SUSD5: variants seen among roughly 807,000 people sequenced by gnomAD.
SUSD5 encodes the protein sushi domain-containing protein 5.
A neutral mutation model predicts 29.5 loss-of-function variants in SUSD5; 33 were observed. The ratio of observed to expected loss-of-function variants is 1.12; its 90% CI spans 0.85 to 1.49. The LOEUF (loss-of-function observed/expected upper bound fraction) is 1.49. SUSD5 is among the 40% of genes most tolerant of loss of function. SUSD5 has a pLI of 0.00. For missense variants in SUSD5, 776 were observed against 800.6 expected, an observed-to-expected ratio of 0.97 and a Z score of 0.37; for synonymous variants, 308 against 325.3, an observed-to-expected ratio of 0.95 and a Z score of 0.57.
chr3:33,205,040 T>C (rs1277387587), intron 3 of SUSD5, among the ~76,000 whole-genome samples: 1 of 152,082 alleles, frequency 6.6e-6, no homozygotes, highest in African/African-American at 2.4e-5. Context: ...TATGTATATA[T>C]GTGTATCTAT....
chr3:33,203,604 G>A (rs1255936079), intron 3 of SUSD5, among the ~76,000 whole-genome samples: 1 of 152,180 alleles, frequency 6.6e-6, no homozygotes, highest in African/African-American at 2.4e-5. Flanking sequence ...AGGTGTCACG[G>A]GAGCCTTGGC....
chr3:33,167,359 C>T lies in SUSD5; in HGVS notation c.598+7527G>A, dbSNP rs2031326054. Among the ~76,000 whole-genome samples the T allele has an allele frequency of 6.6e-6, 1 of 152,066 alleles. No homozygotes were observed. Among genetic ancestry groups the T allele is most frequent in the Non-Finnish European group, 1.5e-5 (1 of 68,016 alleles). On this transcript the variant is annotated intron_variant, in intron 4 of 4. Coordinates refer to ENST00000309558, the MANE Select transcript of SUSD5 (RefSeq NM_015551.2). The surrounding 1 kb of genome is among the most constrained non-coding windows in gnomAD (Gnocchi z 4.1). Reference sequence around the variant, plus strand: ...AAGGTCAGCTCACCCTGGCTGTGGCCTTGACCTGGACACTTACAGTCTGAA... The same window carrying T: ...AAGGTCAGCTCACCCTGGCTGTGGCTTTGACCTGGACACTTACAGTCTGAA...
intron 3 of SUSD5, among the ~76,000 whole-genome samples, chr3:33,180,471 T>C (rs2031645227): frequency 6.6e-6 from 1 of 152,114 alleles, no homozygotes; most frequent in South Asian, 2.1e-4. Context: ...AGTGATCCTC[T>C]TGCCCCAGTT....
Position 33,153,562 on chromosome 3 carries a change from T to C in SUSD5, c.1070A>G (p.Lys357Arg), listed in dbSNP as rs761040522. The change falls in exon 5 of 5, where the codon AAG (lysine) becomes AGG (arginine). Residue 357 changes from lysine (K) to arginine (R), a missense_variant. Physicochemically the swap from Lys to Arg is conservative, Grantham distance 26. Coordinates refer to ENST00000309558, the MANE Select transcript of SUSD5 (RefSeq NM_015551.2). ...SGPFVGKNDS[K>R]AGDPVVSSSD... ...GCTGCTCACCACTGGATCTCCTGCC[T>C]TGCTGTCATTCTTGCCCACAAATGG... 1 of 1,614,028 alleles carries C rather than the reference T, an allele frequency of 6.2e-7. No homozygotes were observed. Among genetic ancestry groups the C allele is most frequent in the Non-Finnish European group, 8.5e-7 (1 of 1,179,906 alleles).
intron 2 of SUSD5, among the ~76,000 whole-genome samples, chr3:33,211,619 T>C (rs1309015285): frequency 2.6e-5 from 4 of 152,210 alleles, no homozygotes; most frequent in African/African-American, 4.8e-5. Context: ...ATGTTTTCTA[T>C]GGCCACTCGC....
intron 3 of SUSD5, among the ~76,000 whole-genome samples, chr3:33,177,626 G>A (rs2031579899): frequency 1.3e-5 from 2 of 151,882 alleles, no homozygotes; most frequent in South Asian, 4.2e-4. Context: ...CTCCCACCTC[G>A]GCCTTCCAAA....
intron 3 of SUSD5, among the ~76,000 whole-genome samples, chr3:33,196,983 T>A (rs2032008115): frequency 6.6e-6 from 1 of 152,240 alleles, no homozygotes; most frequent in South Asian, 2.1e-4. Flanking sequence ...AAAATTTGGA[T>A]AATAGTAAAT....
intron 3 of SUSD5, among the ~76,000 whole-genome samples, chr3:33,203,286 T>G (rs1278459617): frequency 1.3e-5 from 2 of 151,870 alleles, no homozygotes; most frequent in Non-Finnish European, 2.9e-5. Flanking sequence ...GAACTCTCTC[T>G]GAGTAACTGT....
At chr3:33,189,610 C>T (rs1328230446) in intron 3 of SUSD5, among the ~76,000 whole-genome samples, 1 of 151,358 alleles carries the variant, frequency 6.6e-6, no homozygotes, top group East Asian at 1.9e-4. Flanking sequence ...TCACCAATGA[C>T]AACCATTGTT....
At chr3:33,172,674 C>T (rs1287547437) in intron 4 of SUSD5, among the ~76,000 whole-genome samples, 1 of 152,238 alleles carries the variant, frequency 6.6e-6, no homozygotes, top group Non-Finnish European at 1.5e-5. Flanking sequence ...ACTGTGCTTT[C>T]AGCACTTGTC....
In SUSD5 at chr3:33,205,151, A is replaced by G. The variant is rs573235340; in HGVS notation, c.409+2657T>C. Among the ~76,000 whole-genome samples the G allele has an allele frequency of 3.3e-5, 5 of 152,346 alleles. No individual in the cohort carries two copies. The East Asian group carries it at 9.6e-4, about 29-fold the overall frequency. ...TCTAAAAACAAGGATATTCTCTTAC[A>G]TAACTGCAGTAGTTATCCAAATCAG... is the stretch of plus-strand genomic sequence containing the variant. On this transcript the variant is annotated intron_variant, in intron 3 of 4. Coordinates refer to ENST00000309558, the MANE Select transcript of SUSD5 (RefSeq NM_015551.2).
chr3:33,211,617 T>C (rs962756829), intron 2 of SUSD5, among the ~76,000 whole-genome samples: 3 of 152,218 alleles, frequency 2.0e-5, no homozygotes, highest in African/African-American at 7.2e-5. Context: ...CTATGTTTTC[T>C]ATGGCCACTC....
intron 4 of SUSD5, chr3:33,168,422 G>A: frequency 1.3e-6 from 1 of 766,184 alleles, no homozygotes; most frequent in East Asian, 1.3e-4. Context: ...TTCTATGAAG[G>A]AAATTAAGTC....
At chr3:33,162,258 AATGGAAAT>A (rs2031205910) in intron 4 of SUSD5, among the ~76,000 whole-genome samples, 1 of 152,242 alleles carries the variant, frequency 6.6e-6, no homozygotes, top group Admixed American at 6.5e-5. Flanking sequence ...ACTGAATGAT[AATGGAAAT>A]ATGACATATC....
intron 4 of SUSD5, among the ~76,000 whole-genome samples, chr3:33,157,955 GCTAA>G (rs2031091019): frequency 6.6e-6 from 1 of 152,134 alleles, no homozygotes; most frequent in South Asian, 2.1e-4. Context: ...TGCAGAAAAA[GCTAA>G]CTAACACACT....
chr3:33,202,712 C>T (rs1031540674), intron 3 of SUSD5, among the ~76,000 whole-genome samples: 2 of 152,182 alleles, frequency 1.3e-5, no homozygotes, highest in Non-Finnish European at 2.9e-5. Flanking sequence ...CTTATTTCAT[C>T]AGAATCCAGT....
At chr3:33,165,498 T>C (rs2031284794) in intron 4 of SUSD5, among the ~76,000 whole-genome samples, 1 of 152,208 alleles carries the variant, frequency 6.6e-6, no homozygotes, top group African/African-American at 2.4e-5. Flanking sequence ...TTTGAAATGT[T>C]CTGTATTTAT....
chr3:33,213,365 C>T (rs2032358247), intron 2 of SUSD5, among the ~76,000 whole-genome samples: 1 of 151,290 alleles, frequency 6.6e-6, no homozygotes, highest in South Asian at 2.1e-4. Flanking sequence ...AATTGTGCCA[C>T]AGCACTCCAG....
At chr3:33,172,811 ATATTTAGAATCTATTT>A (rs1260143520) in intron 4 of SUSD5, among the ~76,000 whole-genome samples, 8 of 152,250 alleles carry the variant, frequency 5.3e-5, no homozygotes, top group Non-Finnish European at 1.0e-4. Context: ...GATTGTGCTT[ATATTTAGAATCTATTT>A]TATTTTATAT....
Sources: allele counts gnomAD v4.1 joint callset (sites outside exome capture counted in the v4.1 genomes callset), GRCh38; gene constraint gnomAD v4.1.1; non-coding constraint Gnocchi (gnomAD v3.1); transcripts MANE v1.5; gene names NCBI Gene and HGNC (gene_info 2026-07-23, HGNC 2026-07-21).